The following CPSF7 variants were observed in gnomAD, a reference collection of about 807,000 sequenced individuals.
CPSF7 encodes the protein cleavage and polyadenylation specificity factor subunit 7.
A neutral mutation model predicts 44.3 loss-of-function variants in CPSF7; 1 was observed. The observed-to-expected ratio is 0.02, with a 90% CI of 0.01 to 0.11. CPSF7 has a LOEUF of 0.11. CPSF7 is among the 10% of genes least tolerant of loss of function. CPSF7 has a pLI of 1.00. For synonymous variants in CPSF7, 202 were observed against 222.0 expected (o/e 0.91, Z 0.80); for missense variants, 443 against 607.2 (o/e 0.73, Z 2.84).
At chr11:61,424,543 C>A (rs775939562) in intron 2 of CPSF7, among the ~76,000 whole-genome samples, 66 of 152,192 alleles carry the variant, frequency 4.3e-4, no homozygotes, top group Non-Finnish European at 7.9e-4. Context: ...ACCTCCGCCT[C>A]CTGGGTTCAA....
intron 5 of CPSF7, among the ~76,000 whole-genome samples, chr11:61,418,492 A>G (rs1436097230): frequency 6.6e-6 from 1 of 152,188 alleles, no homozygotes; most frequent in Non-Finnish European, 1.5e-5. Flanking sequence ...AGACTGATTC[A>G]TAAACCATAA....
intron 1 of CPSF7, 191 bp from the exon 2 acceptor site, chr11:61,429,481 A>G (rs1861734256): frequency 4.0e-6 from 2 of 498,848 alleles, no homozygotes; most frequent in Non-Finnish European, 3.4e-6. Flanking sequence ...GTCGCTGCCC[A>G]TCACCCTCGG....
At chr11:61,420,858 C>A (rs1565113517) in intron 3 of CPSF7, 1 of 499,322 alleles carries the variant, frequency 2.0e-6, no homozygotes. Flanking sequence ...TGACAGCTAG[C>A]AATTTTTTAA....
chr11:61,420,474 T>G lies in CPSF7; in HGVS notation c.373A>C (p.Lys125Gln). The G allele has an allele frequency of 6.2e-7, 1 of 1,611,464 alleles. No homozygotes were observed. The highest frequency in any genetic ancestry group is 8.5e-7 in the Non-Finnish European group (1 of 1,177,532). Residue 125 changes from lysine (K) to glutamine (Q), a missense_variant, in exon 4 of 10, where the codon AAA (lysine) becomes CAA (glutamine). Lys to Gln is a moderately conservative substitution (Grantham distance 53). Coordinates refer to ENST00000439958, the MANE Select transcript of CPSF7 (RefSeq NM_001142565.3). ...CTTCTCAAATCCAGACCTCACCCTTTGGACTGGCCATTTGCTCGATTCTCT... is the reference window on the plus strand; with the variant it reads ...CTTCTCAAATCCAGACCTCACCCTTGGGACTGGCCATTTGCTCGATTCTCT... The part of the protein sequence containing the change: ...FAENRANGQS[K>Q]GYAEVVVASE...
Position 61,403,763 on chromosome 11 carries a change from C to T in CPSF7, c.*947G>A. 6.6e-6 allele frequency: 1 copy of T among 152,334 alleles called. No individual in the cohort carries two copies. Among genetic ancestry groups the T allele is most frequent in the East Asian group, 1.9e-4 (1 of 5,200 alleles). 9.4% of individuals were successfully genotyped at this position (152,334 alleles called of 1,614,324 possible). On this transcript the variant is annotated 3_prime_UTR_variant, in exon 10 of 10. Coordinates refer to ENST00000439958, the MANE Select transcript of CPSF7 (RefSeq NM_001142565.3). ...CAACTTGCTTCTTTCCCCATTCCTC[C>T]TGGTTACTTCACAAGGGTTCTTCAT... is the stretch of plus-strand genomic sequence containing the variant.
At chr11:61,429,700 C>T (rs1382698247) in intron 1 of CPSF7, 25 of 1,523,480 alleles carry the variant, frequency 1.6e-5, no homozygotes, top group East Asian at 2.5e-5. Context: ...CCTCTGCCCC[C>T]AACCCAGGCC....
chr11:61,429,858 G>A (rs1181837139), intron 1 of CPSF7, 56 bp downstream of exon 1: 1 of 1,541,302 alleles, frequency 6.5e-7, no homozygotes, highest in South Asian at 1.2e-5. Context: ...CCGCCTCAGT[G>A]CCGGCCCGGA....
chr11:61,411,670 G>C lies in CPSF7; in HGVS notation c.1226+99C>G, dbSNP rs560440102. On this transcript the variant is annotated intron_variant, in intron 8 of 9. Transcript: ENST00000439958. ...AGGCTAACGTCCAGACTTTCGGCCAGGTCTTTCCCAGATTCCCTGGGCTCC... is the reference window on the plus strand; with the variant it reads ...AGGCTAACGTCCAGACTTTCGGCCACGTCTTTCCCAGATTCCCTGGGCTCC... 1,711 of 1,129,254 alleles carry C rather than the reference G, an allele frequency of 1.5e-3. 4 individuals are homozygous for C. The highest frequency in any genetic ancestry group is 1.9e-3 in the Non-Finnish European group (1,501 of 791,928). 70.0% of individuals were successfully genotyped at this position (1,129,254 alleles called of 1,614,324 possible). A position where few individuals can be genotyped will look rare whatever the true frequency, so the allele number is the denominator to read the frequency against.
chr11:61,419,614 T>A (rs1030765620), intron 5 of CPSF7, among the ~76,000 whole-genome samples: 14 of 152,048 alleles, frequency 9.2e-5, no homozygotes, highest in Non-Finnish European at 1.9e-4. Flanking sequence ...AACACAGAAT[T>A]TAGAGGTGAT....
chr11:61,411,215 A>G (rs1436992702), intron 8 of CPSF7, 110 bp from the exon 9 acceptor site: 2 of 1,070,206 alleles, frequency 1.9e-6, no homozygotes, highest in Non-Finnish European at 2.6e-6. Flanking sequence ...CTATTACTCT[A>G]TCATGGGCCT....
chr11:61,405,414 T>C (rs1427098642), intron 9 of CPSF7, among the ~76,000 whole-genome samples: 1 of 152,136 alleles, frequency 6.6e-6, no homozygotes, highest in Non-Finnish European at 1.5e-5. Context: ...GGAAACATAC[T>C]AACACTAAGC....
intron 9 of CPSF7, among the ~76,000 whole-genome samples, chr11:61,407,670 G>A (rs894419075): frequency 1.3e-5 from 2 of 152,194 alleles, no homozygotes; most frequent in Non-Finnish European, 2.9e-5. Context: ...ATAAATGAGT[G>A]GCTAACAACA....
chr11:61,414,066 A>G (rs1192180188), intron 7 of CPSF7, among the ~76,000 whole-genome samples: 1 of 152,116 alleles, frequency 6.6e-6, no homozygotes, highest in Non-Finnish European at 1.5e-5. Context: ...AGAAGGAACA[A>G]TGAGTACTTT....
In CPSF7 at chr11:61,416,188, G is replaced by A; in HGVS notation, c.855C>T (p.Ala285=). The A allele has an allele frequency of 6.6e-7, 1 of 1,522,412 alleles. No individual in the cohort carries two copies. 94.3% of individuals were successfully genotyped at this position (1,522,412 alleles called of 1,614,324 possible). A position where few individuals can be genotyped will look rare whatever the true frequency, so the allele number is the denominator to read the frequency against. ...AIPPALHLNP[A]FFPPPNATVG... is the part of the protein sequence containing the mutation. ...CTGTAGCGTTTGGTGGGGGGAAGAA[G>A]GCTGGATTGAGGTGAAGGGCAGGTG... Residue 285 remains alanine, a synonymous_variant, in exon 6 of 10, where the codon GCC becomes GCT. Transcript: ENST00000439958.
intron 7 of CPSF7, among the ~76,000 whole-genome samples, chr11:61,413,731 G>A (rs1201141540): frequency 6.6e-6 from 1 of 152,038 alleles, no homozygotes; most frequent in Non-Finnish European, 1.5e-5. Flanking sequence ...GTCATGGGGC[G>A]GGTACCTACA....
At chr11:61,429,511 G>A (rs1488480296) in intron 1 of CPSF7, 4 of 534,012 alleles carry the variant, frequency 7.5e-6, no homozygotes, top group African/African-American at 6.1e-5. Flanking sequence ...GGGTAGCGCC[G>A]CGTCTGCGCC....
intron 1 of CPSF7, chr11:61,429,559 G>A: frequency 1.7e-6 from 1 of 597,494 alleles, no homozygotes; most frequent in South Asian, 2.3e-5. Context: ...TCCCACCCTC[G>A]GGTCCTAGTG....
intron 9 of CPSF7, among the ~76,000 whole-genome samples, chr11:61,407,935 T>C (rs1859471081): frequency 1.3e-5 from 2 of 152,180 alleles, no homozygotes; most frequent in African/African-American, 4.8e-5. Context: ...GTGAGTTTCT[T>C]TGTCCTTCTT....
chr11:61,429,227 T>A lies in CPSF7; in HGVS notation c.9A>T (p.Glu3Asp). 6.2e-7 allele frequency: 1 copy of A among 1,613,606 alleles called. No individual in the cohort carries two copies. The highest frequency in any genetic ancestry group is 8.5e-7 in the Non-Finnish European group (1 of 1,179,564). ...CATATATATCAATCAAGTCCACTCCTTCTGACATGGCTCCGGAAGGAAGAT... is the reference window on the plus strand; with the variant it reads ...CATATATATCAATCAAGTCCACTCCATCTGACATGGCTCCGGAAGGAAGAT... MS[E>D]GVDLIDIYAD... The change falls in exon 2 of 10, where the codon GAA (glutamate) becomes GAT (aspartate). Residue 3 changes from glutamate to aspartate, a missense_variant. Transcript: ENST00000439958.
Sources: allele counts gnomAD v4.1 joint callset (sites outside exome capture counted in the v4.1 genomes callset), GRCh38; gene constraint gnomAD v4.1.1; transcripts MANE v1.5; gene names NCBI Gene and HGNC (gene_info 2026-07-23, HGNC 2026-07-21).